PAPPA2: variants seen among roughly 807,000 people sequenced by gnomAD.
PAPPA2 encodes pappalysin 2, also known as pappalysin-2.
PAPPA2 carries 86 observed loss-of-function variants against 176.4 expected under a neutral mutation model. The observed-to-expected ratio is 0.49, with a 90% confidence interval of 0.41 to 0.58. PAPPA2 has a LOEUF of 0.58. Ranked by LOEUF, PAPPA2 falls within the 20% of genes least tolerant of loss-of-function variation. The pLI is 0.00. For missense variants in PAPPA2, 2,073 were observed against 2,256.9 expected, an observed-to-expected ratio of 0.92 and a Z score of 1.65; for synonymous variants, 809 against 852.2, an observed-to-expected ratio of 0.95 and a Z score of 0.88.
chr1:176,526,280 T>C (rs1213383445), intron 1 of PAPPA2, among the ~76,000 whole-genome samples: 4 of 152,180 alleles, frequency 2.6e-5, no homozygotes, highest in African/African-American at 9.7e-5. Context: ...ACTAAACCCA[T>C]TGCTGTTTCT....
intron 7 of PAPPA2, among the ~76,000 whole-genome samples, chr1:176,696,411 A>AT (rs5778908): frequency 1.3e-5 from 2 of 152,034 alleles, no homozygotes; most frequent in Admixed American, 1.3e-4. Flanking sequence ...CGTCTATGCT[A>AT]TTTTATGAGT....
chr1:176,528,810 C>A (rs1010793072), intron 1 of PAPPA2, among the ~76,000 whole-genome samples: 3 of 152,180 alleles, frequency 2.0e-5, no homozygotes, highest in South Asian at 2.1e-4. Context: ...CTTCATGCTT[C>A]CCCCACCATG....
At chr1:176,706,718 A>G (rs1368159798) in intron 10 of PAPPA2, among the ~76,000 whole-genome samples, 3 of 152,210 alleles carry the variant, frequency 2.0e-5, no homozygotes, top group Non-Finnish European at 1.5e-5. Flanking sequence ...GAACTAAGGA[A>G]GTACAGCTCT....
intron 1 of PAPPA2, among the ~76,000 whole-genome samples, chr1:176,525,352 C>T (rs972811655): frequency 6.6e-6 from 1 of 152,240 alleles, no homozygotes; most frequent in African/African-American, 2.4e-5. Flanking sequence ...GGTGCATTTG[C>T]TTGTGTAGTT....
chr1:176,490,004 C>T (rs1409054873), intron 1 of PAPPA2, among the ~76,000 whole-genome samples: 1 of 152,120 alleles, frequency 6.6e-6, no homozygotes, highest in African/African-American at 2.4e-5. Context: ...GGATCTTGTT[C>T]TATGCCAGCT....
In PAPPA2 at chr1:176,695,788, A is replaced by C. The variant is rs188239320; in HGVS notation, c.2675A>C (p.Gln892Pro). ...TGCACTGAAGATGGGACCTTTCGTC[A>C]GTATGTGCACACAGCTTCCTCCCGG... ...GACTEDGTFR[Q>P]YVHTASSRRV... is the part of the protein sequence containing the mutation. The change falls in exon 7 of 23, where the codon CAG becomes CCG. Residue 892 changes from glutamine (Q) to proline (P), a missense_variant. Gln to Pro is a moderately conservative substitution (Grantham distance 76, BLOSUM62 -1). Transcript: ENST00000367662. The C allele has an allele frequency of 1.2e-6, 2 of 1,614,062 alleles. No individual in the cohort carries two copies. Among genetic ancestry groups the C allele is most frequent in the East Asian group, 4.5e-5 (2 of 44,866 alleles).
chr1:176,671,738 A>T (rs1259735326), intron 4 of PAPPA2, among the ~76,000 whole-genome samples: 1 of 152,142 alleles, frequency 6.6e-6, no homozygotes, highest in Non-Finnish European at 1.5e-5. Flanking sequence ...GCCATAAAAA[A>T]TGATGAGTTC....
At chr1:176,637,457 G>A (rs1028738484) in intron 3 of PAPPA2, among the ~76,000 whole-genome samples, 2 of 152,042 alleles carry the variant, frequency 1.3e-5, no homozygotes, top group Non-Finnish European at 2.9e-5. Flanking sequence ...GCTTACTTGA[G>A]GTCTCTCATC....
At chr1:176,778,704 T>C (rs1192877007) in intron 17 of PAPPA2, among the ~76,000 whole-genome samples, 1 of 152,232 alleles carries the variant, frequency 6.6e-6, no homozygotes. Flanking sequence ...ATACACATGT[T>C]CTATCTATGA....
chr1:176,712,231 A>T (rs555694853), intron 12 of PAPPA2, among the ~76,000 whole-genome samples: 1 of 152,204 alleles, frequency 6.6e-6, no homozygotes, highest in Admixed American at 6.5e-5. Flanking sequence ...TCAGAAATGC[A>T]TAATAGCTCA....
chr1:176,710,046 C>A lies in PAPPA2; in HGVS notation c.3521C>A (p.Thr1174Asn), dbSNP rs1661073035. 1 of 1,613,062 alleles carries A rather than the reference C, an allele frequency of 6.2e-7. No individual in the cohort carries two copies. The highest frequency in any genetic ancestry group is 8.5e-7 in the Non-Finnish European group (1 of 1,179,436). Residue 1174 changes from threonine (T) to asparagine (N), a missense_variant, in exon 11 of 23, where the codon ACC becomes AAC. By Grantham distance (65) the Thr-to-Asn change is moderately conservative. Around this residue, in one of 4 missense-constraint regions of PAPPA2, gnomAD observed 846 missense variants for 857.9 expected, o/e 0.99. Coordinates refer to ENST00000367662, the MANE Select transcript of PAPPA2 (RefSeq NM_020318.3). ...DGICEPFERKTSIVDCGIYTP... is the reference protein window; with the variant it reads ...DGICEPFERKNSIVDCGIYTP... ...ATATGTGAACCTTTTGAGAGAAAAA[C>A]CAGCATTGTAGACTGTGGCATCTAC...
In PAPPA2 at chr1:176,711,842, C is replaced by A. The variant is rs372613255; in HGVS notation, c.3659C>A (p.Thr1220Lys). Residue 1220 changes from threonine to lysine, a missense_variant, in exon 12 of 23, where the codon ACA (threonine) becomes AAA (lysine). Thr to Lys is a moderately conservative substitution (Grantham distance 78, BLOSUM62 -1). Transcript: ENST00000367662. ...GTTGAAATTGTATTTCAGATTTGCA[C>A]ATCATACCATCCAGATTTACCCAAC... ...VTGEPHSLIC[T>K]SYHPDLPNHR... 65 of 1,605,502 alleles carry A rather than the reference C, an allele frequency of 4.0e-5. No homozygotes were observed. The Admixed American group carries it at 6.5e-4, about 16-fold the overall frequency.
intron 21 of PAPPA2, among the ~76,000 whole-genome samples, chr1:176,839,812 G>T (rs779299454): frequency 3.3e-5 from 5 of 152,058 alleles, no homozygotes; most frequent in Admixed American, 2.6e-4. Context: ...TACTGCACAG[G>T]CTTTCTCCCA....
chr1:176,822,885 C>A (rs2102975889), intron 21 of PAPPA2, among the ~76,000 whole-genome samples: 1 of 152,282 alleles, frequency 6.6e-6, no homozygotes, highest in East Asian at 1.9e-4. Context: ...ACTGGCAAAG[C>A]AATAACCTTT....
At chr1:176,507,549 A>T (rs1433913755) in intron 1 of PAPPA2, among the ~76,000 whole-genome samples, 1 of 152,220 alleles carries the variant, frequency 6.6e-6, no homozygotes, top group Non-Finnish European at 1.5e-5. Context: ...ATGCCCATCA[A>T]TGATGGAATG....
At chr1:176,629,689 T>G (rs1656234879) in intron 3 of PAPPA2, among the ~76,000 whole-genome samples, 1 of 152,196 alleles carries the variant, frequency 6.6e-6, no homozygotes, top group African/African-American at 2.4e-5. Flanking sequence ...CATTCATATA[T>G]TCACCCTCAT....
chr1:176,500,723 C>A (rs919485545), intron 1 of PAPPA2, among the ~76,000 whole-genome samples: 1 of 151,658 alleles, frequency 6.6e-6, no homozygotes, highest in Non-Finnish European at 1.5e-5. Context: ...CAAATACAAC[C>A]AGTTCCTACT....
chr1:176,512,221 C>CAA (rs58968098), intron 1 of PAPPA2, among the ~76,000 whole-genome samples: 25 of 105,706 alleles, frequency 2.4e-4, no homozygotes, highest in African/African-American at 8.6e-4. Flanking sequence ...ACTAAATTTG[C>CAA]AAAAAAAAAA....
chr1:176,470,368 C>T (rs1461801290), intron 1 of PAPPA2, among the ~76,000 whole-genome samples: 1 of 152,192 alleles, frequency 6.6e-6, no homozygotes, highest in Admixed American at 6.5e-5. Context: ...CTGTCTTCAC[C>T]TCAATGGACA....
Sources: allele counts gnomAD v4.1 joint callset (sites outside exome capture counted in the v4.1 genomes callset), GRCh38; gene constraint gnomAD v4.1.1; regional missense constraint gnomAD v4.1.1; transcripts MANE v1.5; gene names NCBI Gene and HGNC (gene_info 2026-07-23, HGNC 2026-07-21).